Variants in IL6R observed in about 807,000 individuals in gnomAD.
IL6R encodes interleukin-6 receptor subunit alpha.
Under a neutral mutation model 48.3 loss-of-function variants are expected in IL6R, and 38 were observed. The observed-to-expected ratio is 0.79, with a 90% CI of 0.61 to 1.03. The LOEUF is 1.03. IL6R is among the 50% of genes least tolerant of loss of function. The pLI is 0.00. For synonymous variants in IL6R, 264 were observed against 256.2 expected, an observed-to-expected ratio of 1.03 and a Z score of -0.29; for missense variants, 534 against 618.3, an observed-to-expected ratio of 0.86 and a Z score of 1.45.
chr1:154,423,047 G>A (rs753536808), intron 1 of IL6R, among the ~76,000 whole-genome samples: 2 of 151,960 alleles, frequency 1.3e-5, no homozygotes, highest in Non-Finnish European at 2.9e-5. Flanking sequence ...GGCTATGGGT[G>A]CAGAATTCAG....
chr1:154,405,529 G>GGGC lies in IL6R; in HGVS notation c.-101_-100insGGC. The GGGC allele has an allele frequency of 2.3e-5, 9 of 388,508 alleles. No homozygotes were observed. The highest frequency in any genetic ancestry group is 3.7e-5 in the Non-Finnish European group (8 of 214,592). The allele number at this position is 388,508 out of a possible 1,614,324, so 24.1% of individuals were successfully genotyped here. A position where few individuals can be genotyped will look rare whatever the true frequency, so the allele number is the denominator to read the frequency against. On this transcript the variant is annotated 5_prime_UTR_variant, in exon 1 of 10. Coordinates refer to ENST00000368485, the MANE Select transcript of IL6R (RefSeq NM_000565.4). This position sits in a 1 kb window ranked among gnomAD's most constrained non-coding sequence, Gnocchi z 5.2. ...CTGCCCCCGGGGCCTGAGCCCGCCTGCCCGCCCACCGCCCCGCCCCGCCCC... is the reference window on the plus strand; with the variant it reads ...CTGCCCCCGGGGCCTGAGCCCGCCTGGGCCCCGCCCACCGCCCCGCCCCGCCCC...
chr1:154,445,902 T>G (rs1253923584), intron 6 of IL6R, among the ~76,000 whole-genome samples: 2 of 152,106 alleles, frequency 1.3e-5, no homozygotes, highest in African/African-American at 4.8e-5. Context: ...CCATATTTTC[T>G]ATTTAGGGCT....
At chr1:154,417,384 T>G (rs1688413662) in intron 1 of IL6R, among the ~76,000 whole-genome samples, 1 of 152,188 alleles carries the variant, frequency 6.6e-6, no homozygotes, top group Non-Finnish European at 1.5e-5. Context: ...ACAGCGCTCC[T>G]TATCTCAGCA....
intron 1 of IL6R, among the ~76,000 whole-genome samples, chr1:154,427,566 A>T (rs1570947712): frequency 6.6e-6 from 1 of 152,184 alleles, no homozygotes; most frequent in East Asian, 1.9e-4. Context: ...CTTGAGGTAG[A>T]GGGTGCCAGG....
chr1:154,405,510 C>T lies in IL6R; in HGVS notation c.-120C>T, dbSNP rs545198209. ...GGGCTCCTGCGGATGGGGGCTGCCC[C>T]CGGGGCCTGAGCCCGCCTGCCCGCC... On this transcript the variant is annotated 5_prime_UTR_variant, in exon 1 of 10. Coordinates refer to ENST00000368485, the MANE Select transcript of IL6R (RefSeq NM_000565.4). The surrounding 1 kb of genome is among the most constrained non-coding windows in gnomAD (Gnocchi z 5.2). 4.3e-4 allele frequency: 331 copies of T among 777,956 alleles called. 6 individuals are homozygous for T. The South Asian group carries it at 6.1e-3, about 14-fold the overall frequency. The allele number at this position is 777,956 out of a possible 1,614,324, so 48.2% of individuals were successfully genotyped here. A position where few individuals can be genotyped will look rare whatever the true frequency, so the allele number is the denominator to read the frequency against.
chr1:154,444,062 G>A (rs1012265061), intron 6 of IL6R, among the ~76,000 whole-genome samples: 13 of 152,022 alleles, frequency 8.6e-5, no homozygotes, highest in Non-Finnish European at 1.8e-4. Context: ...CACTCTTCGT[G>A]CCCCTCTCCA....
chr1:154,448,472 T>A (rs1285178669), intron 7 of IL6R, among the ~76,000 whole-genome samples: 1 of 152,238 alleles, frequency 6.6e-6, no homozygotes, highest in African/African-American at 2.4e-5. Flanking sequence ...GATTGGATTC[T>A]GTTTATCTGC....
At chr1:154,438,666 C>T (rs1689767964) in intron 6 of IL6R, among the ~76,000 whole-genome samples, 1 of 152,128 alleles carries the variant, frequency 6.6e-6, no homozygotes, top group Admixed American at 6.5e-5. Context: ...CACATTCTTC[C>T]CCCAGATTGG....
At chr1:154,456,897 A>G (rs1395138380) in intron 9 of IL6R, among the ~76,000 whole-genome samples, 1 of 152,014 alleles carries the variant, frequency 6.6e-6, no homozygotes, top group African/African-American at 2.4e-5. Context: ...AGGAACCACA[A>G]GATTCTGGTG....
At chr1:154,436,603 G>C (rs1689643996) in intron 6 of IL6R, among the ~76,000 whole-genome samples, 1 of 152,194 alleles carries the variant, frequency 6.6e-6, no homozygotes, top group Non-Finnish European at 1.5e-5. Context: ...CCATCAGATT[G>C]GGATGGTCTG....
At position 154,405,686 on chromosome 1, in the gene IL6R, G is replaced by A. The variant is rs1396279859; in HGVS notation, c.57G>A (p.Ala19=). ...CCCTGCTGGCCGCGCCGGGAGCGGC[G>A]CTGGCCCCAAGGCGCTGCCCTGCGC... ...LAALLAAPGA[A]LAPRRCPAQE... The change falls in exon 1 of 10, where the codon GCG becomes GCA. Residue 19 remains alanine, a synonymous_variant. Transcript: ENST00000368485. This position sits in a 1 kb window ranked among gnomAD's most constrained non-coding sequence, Gnocchi z 5.2. 6 of 1,526,110 alleles carry A rather than the reference G, an allele frequency of 3.9e-6. No individual in the cohort carries two copies. Among genetic ancestry groups the A allele is most frequent in the Non-Finnish European group, 5.2e-6 (6 of 1,143,524 alleles). The allele number at this position is 1,526,110 out of a possible 1,614,324, so 94.5% of individuals were successfully genotyped here.
At chr1:154,413,501 C>T (rs1172450172) in intron 1 of IL6R, among the ~76,000 whole-genome samples, 1 of 152,248 alleles carries the variant, frequency 6.6e-6, no homozygotes, top group Non-Finnish European at 1.5e-5. Flanking sequence ...ATTTATACTT[C>T]CAGCAGCATT....
At chr1:154,457,351 A>G (rs1690947613) in intron 9 of IL6R, among the ~76,000 whole-genome samples, 1 of 151,758 alleles carries the variant, frequency 6.6e-6, no homozygotes, top group South Asian at 2.1e-4. Flanking sequence ...AAAAGAAAAG[A>G]AAAGAAGAAA....
Position 154,405,420 on chromosome 1 carries a change from G to T in IL6R, c.-210G>T. On this transcript the variant is annotated 5_prime_UTR_variant, in exon 1 of 10. Coordinates refer to ENST00000368485, the MANE Select transcript of IL6R (RefSeq NM_000565.4). This position sits in a 1 kb window ranked among gnomAD's most constrained non-coding sequence, Gnocchi z 5.2. ...TGGGAAGTCGCACTGACACTGAGCC[G>T]GGCCAGAGGGAGAGGAGCCGAGCGC... 1.9e-6 allele frequency: 1 copy of T among 532,324 alleles called. No homozygotes were observed. The highest frequency in any genetic ancestry group is 4.0e-5 in the Admixed American group (1 of 25,228). 33.0% of individuals were successfully genotyped at this position (532,324 alleles called of 1,614,324 possible). A position where few individuals can be genotyped will look rare whatever the true frequency, so the allele number is the denominator to read the frequency against.
chr1:154,405,437 GC>G lies in IL6R; in HGVS notation c.-191del. ...ACTGAGCCGGGCCAGAGGGAGAGGA[GC>G]CGAGCGCGGCGCGGGGCCGAGGGAC... On this transcript the variant is annotated 5_prime_UTR_variant, in exon 1 of 10. It removes the in-frame stop codon of an upstream open reading frame in the 5' UTR. Coordinates refer to ENST00000368485, the MANE Select transcript of IL6R (RefSeq NM_000565.4). This position sits in a 1 kb window ranked among gnomAD's most constrained non-coding sequence, Gnocchi z 5.2. 2 of 545,932 alleles carry G rather than the reference GC, an allele frequency of 3.7e-6. No homozygotes were observed. The highest frequency in any genetic ancestry group is 6.3e-6 in the Non-Finnish European group (2 of 315,834). 33.8% of individuals were successfully genotyped at this position (545,932 alleles called of 1,614,324 possible).
intron 8 of IL6R, among the ~76,000 whole-genome samples, chr1:154,453,326 T>C (rs907037319): frequency 3.9e-5 from 6 of 152,236 alleles, no homozygotes; most frequent in Non-Finnish European, 8.8e-5. Flanking sequence ...TTGGAGAAAC[T>C]TGTCTTTGCA....
At chr1:154,441,108 C>G (rs1004173298) in intron 6 of IL6R, among the ~76,000 whole-genome samples, 2 of 152,256 alleles carry the variant, frequency 1.3e-5, no homozygotes, top group Non-Finnish European at 2.9e-5. Flanking sequence ...AGTCTGCTCT[C>G]TCTGAATTCT....
At position 154,465,388 on chromosome 1, in the gene IL6R, G is replaced by T. The variant is rs1045820749; in HGVS notation, c.*8G>T. On this transcript the variant is annotated 3_prime_UTR_variant, in exon 10 of 10. Transcript: ENST00000368485. ...TACTTCTTCCCCAGATAGCTGGCTG[G>T]GTGGCACCAGCAGCCTGGACCCTGT... is the stretch of plus-strand genomic sequence containing the variant. 6.2e-7 allele frequency: 1 copy of T among 1,614,002 alleles called. No individual in the cohort carries two copies. Among genetic ancestry groups the T allele is most frequent in the Admixed American group, 1.7e-5 (1 of 60,024 alleles).
rs1453682628 is a variant in IL6R, at chr1:154,435,032, C to T, written c.683C>T (p.Ala228Val). ...GCCAACATCACAGTCACTGCCGTGGCCAGAAACCCCCGCTGGCTCAGTGTC... is the reference window on the plus strand; with the variant it reads ...GCCAACATCACAGTCACTGCCGTGGTCAGAAACCCCCGCTGGCTCAGTGTC... ...PPANITVTAV[A>V]RNPRWLSVTW... Residue 228 changes from alanine to valine, a missense_variant, in exon 5 of 10, where the codon GCC becomes GTC. Physicochemically the swap from Ala to Val is moderately conservative, Grantham distance 64. Coordinates refer to ENST00000368485, the MANE Select transcript of IL6R (RefSeq NM_000565.4). 1.2e-6 allele frequency: 2 copies of T among 1,614,142 alleles called. No homozygotes were observed. The highest frequency in any genetic ancestry group is 1.7e-5 in the Admixed American group (1 of 60,016).
Sources: allele counts gnomAD v4.1 joint callset (sites outside exome capture counted in the v4.1 genomes callset), GRCh38; gene constraint gnomAD v4.1.1; non-coding constraint Gnocchi (gnomAD v3.1); transcripts MANE v1.5; gene names NCBI Gene and HGNC (gene_info 2026-07-23, HGNC 2026-07-21).